The following OTUD7A variants were observed in gnomAD, a reference collection of about 807,000 sequenced individuals.
OTUD7A encodes OTU deubiquitinase 7A.
OTUD7A carries 12 observed loss-of-function variants against 65.7 expected under a neutral mutation model. The observed-to-expected ratio is 0.18, with a 90% CI of 0.12 to 0.30. OTUD7A has a LOEUF of 0.30. OTUD7A is among the 10% of genes least tolerant of loss of function. OTUD7A has a pLI of 1.00. For missense variants in OTUD7A, 1,148 were observed against 1,304.8 expected (o/e 0.88, Z 1.85); for synonymous variants, 641 against 586.3 (o/e 1.09, Z -1.35).
intron 1 of OTUD7A, among the ~76,000 whole-genome samples, chr15:31,678,982 C>T (rs905421824): frequency 6.6e-6 from 1 of 152,234 alleles, no homozygotes; most frequent in East Asian, 1.9e-4. Flanking sequence ...CCTGCAATAC[C>T]ACAGGGATGG....
At chr15:31,726,895 T>C (rs1287011577) in intron 1 of OTUD7A, among the ~76,000 whole-genome samples, 1 of 152,184 alleles carries the variant, frequency 6.6e-6, no homozygotes, top group Non-Finnish European at 1.5e-5. Context: ...ACAGCAAAAA[T>C]AGTAACAGAA....
At chr15:31,700,987 C>T (rs1262986909) in intron 1 of OTUD7A, among the ~76,000 whole-genome samples, 1 of 152,176 alleles carries the variant, frequency 6.6e-6, no homozygotes, top group Non-Finnish European at 1.5e-5. Flanking sequence ...CCCTGTAGTG[C>T]ACAGCCTCAC....
intron 8 of OTUD7A, among the ~76,000 whole-genome samples, chr15:31,517,167 C>T (rs1190725733): frequency 6.6e-6 from 1 of 152,172 alleles, no homozygotes; most frequent in East Asian, 1.9e-4. Context: ...GAGAAGTATC[C>T]CATGAAAGGC....
At chr15:31,862,757 C>T (rs921304213) in intron 1 of OTUD7A, among the ~76,000 whole-genome samples, 1 of 152,152 alleles carries the variant, frequency 6.6e-6, no homozygotes, top group African/African-American at 2.4e-5. Flanking sequence ...TATCATTACG[C>T]CCCTGGCCCC....
chr15:31,541,988 GC>G (rs1465153334), intron 5 of OTUD7A, among the ~76,000 whole-genome samples: 3 of 152,114 alleles, frequency 2.0e-5, no homozygotes, highest in Non-Finnish European at 4.4e-5. Context: ...TTGATTTGTG[GC>G]TTGGAACCAG....
chr15:31,543,390 C>T (rs1051008657), intron 5 of OTUD7A, among the ~76,000 whole-genome samples: 3 of 151,786 alleles, frequency 2.0e-5, no homozygotes, highest in African/African-American at 4.8e-5. Flanking sequence ...ATAAACACCA[C>T]ATTGAATGGG....
chr15:31,720,965 T>C (rs1202405289), intron 1 of OTUD7A, among the ~76,000 whole-genome samples: 2 of 151,814 alleles, frequency 1.3e-5, no homozygotes, highest in Non-Finnish European at 2.9e-5. Flanking sequence ...TACCATTGTG[T>C]TATAGTTGCC....
At chr15:31,490,323 C>A (rs2041301978) in intron 10 of OTUD7A, among the ~76,000 whole-genome samples, 1 of 152,184 alleles carries the variant, frequency 6.6e-6, no homozygotes, top group African/African-American at 2.4e-5. Flanking sequence ...TCTTGTATGT[C>A]TTTTAGCCTG....
chr15:31,476,918 C>T lies in OTUD7A; in HGVS notation c.*6376G>A, dbSNP rs1054277873. ...AATCATCTGGCAGGGGCAGGAAGGT[C>T]ATTGGAGGACCCACGCCTCCCCTGC... On this transcript the variant is annotated 3_prime_UTR_variant, in exon 13 of 13. Coordinates refer to ENST00000307050, the MANE Select transcript of OTUD7A (RefSeq NM_001382637.1). 6.6e-6 allele frequency: 1 copy of T among 152,288 alleles called. No homozygotes were observed. The highest frequency in any genetic ancestry group is 2.4e-5 in the African/African-American group (1 of 41,464). 9.4% of individuals were successfully genotyped at this position (152,288 alleles called of 1,614,324 possible). A position where few individuals can be genotyped will look rare whatever the true frequency, so the allele number is the denominator to read the frequency against.
chr15:31,580,457 T>C (rs1242686544), intron 3 of OTUD7A, among the ~76,000 whole-genome samples: 1 of 152,262 alleles, frequency 6.6e-6, no homozygotes, highest in Non-Finnish European at 1.5e-5. Flanking sequence ...TAGCAGAGAC[T>C]GCATTTGCAT....
chr15:31,580,175 G>A (rs757381029), intron 3 of OTUD7A, among the ~76,000 whole-genome samples: 1 of 152,180 alleles, frequency 6.6e-6, no homozygotes, highest in South Asian at 2.1e-4. Context: ...AAAGTAGAAT[G>A]GGCAAGTACA....
At chr15:31,866,245 CAA>C (rs1897872351) in intron 1 of OTUD7A, among the ~76,000 whole-genome samples, 1 of 152,188 alleles carries the variant, frequency 6.6e-6, no homozygotes, top group Non-Finnish European at 1.5e-5. Flanking sequence ...TTCCCTTTGC[CAA>C]GAGGAACCTA....
chr15:31,765,064 T>C (rs1000341586), intron 1 of OTUD7A, among the ~76,000 whole-genome samples: 1 of 152,190 alleles, frequency 6.6e-6, no homozygotes, highest in African/African-American at 2.4e-5. Flanking sequence ...ATCTTTTGAA[T>C]GAATATATGA....
At chr15:31,828,810 G>A (rs915564668) in intron 1 of OTUD7A, among the ~76,000 whole-genome samples, 1 of 152,152 alleles carries the variant, frequency 6.6e-6, no homozygotes, top group African/African-American at 2.4e-5. Context: ...GGGCAGGGAT[G>A]TGTCACAGCT....
At chr15:31,566,065 G>A (rs1888860824) in intron 4 of OTUD7A, among the ~76,000 whole-genome samples, 1 of 151,958 alleles carries the variant, frequency 6.6e-6, no homozygotes, top group South Asian at 2.1e-4. Context: ...GGTGGCGGGT[G>A]CCTGTGTCCC....
intron 2 of OTUD7A, 148 bp downstream of exon 2, chr15:31,656,835 T>A (rs1892007608): frequency 1.3e-5 from 2 of 152,170 alleles, no homozygotes; most frequent in African/African-American, 4.8e-5. Context: ...TGAGCTCACC[T>A]AACGTGCAAG....
intron 3 of OTUD7A, among the ~76,000 whole-genome samples, chr15:31,609,918 T>C (rs1477501398): frequency 6.6e-6 from 1 of 152,118 alleles, no homozygotes; most frequent in African/African-American, 2.4e-5. Flanking sequence ...CAACCCCCAG[T>C]ACCAGCCCAG....
intron 1 of OTUD7A, among the ~76,000 whole-genome samples, chr15:31,867,009 G>A (rs997414157): frequency 6.6e-6 from 1 of 152,146 alleles, no homozygotes; most frequent in African/African-American, 2.4e-5. Context: ...CCTCCATGAG[G>A]AACCTCAGTA....
chr15:31,529,726 G>A (rs894236914), intron 6 of OTUD7A, among the ~76,000 whole-genome samples: 1 of 152,158 alleles, frequency 6.6e-6, no homozygotes, highest in Non-Finnish European at 1.5e-5. Flanking sequence ...ACCTCTTGCT[G>A]AATAGGCCTC....
Sources: gnomAD v4.1 joint callset for allele counts (sites outside exome capture counted in the v4.1 genomes callset) on GRCh38, gnomAD v4.1.1 for gene constraint, MANE v1.5 for transcripts, NCBI Gene and HGNC (gene_info 2026-07-23, HGNC 2026-07-21) for gene names.